Variants in TRAPPC9 observed in about 807,000 individuals in gnomAD.
TRAPPC9 encodes the protein IKK2 binding protein.
Under a neutral mutation model 124.0 loss-of-function variants are expected in TRAPPC9, and 83 were observed. That is an observed-to-expected ratio of 0.67 (90% CI 0.56 to 0.80). The LOEUF is 0.80. Among genes scored for constraint, TRAPPC9 ranks in the 30% least tolerant of loss-of-function variants. The pLI is 0.00. For synonymous variants in TRAPPC9, 638 were observed against 617.5 expected (o/e 1.03, Z -0.49); for missense variants, 1,302 against 1,508.3 (o/e 0.86, Z 2.27).
At chr8:139,977,348 G>T (rs372848869) in intron 19 of TRAPPC9, among the ~76,000 whole-genome samples, 124 of 152,126 alleles carry the variant, frequency 8.2e-4, no homozygotes, top group African/African-American at 2.7e-3. Context: ...GAGGCCAGGC[G>T]TGGTGGCTCA....
intron 17 of TRAPPC9, among the ~76,000 whole-genome samples, chr8:140,074,766 C>T (rs1314826390): frequency 6.6e-6 from 1 of 152,130 alleles, no homozygotes; most frequent in Non-Finnish European, 1.5e-5. Flanking sequence ...GAAAGAAGGG[C>T]CGCTCAGTGG....
At chr8:140,036,513 G>A (rs1355156861) in intron 17 of TRAPPC9, among the ~76,000 whole-genome samples, 1 of 152,174 alleles carries the variant, frequency 6.6e-6, no homozygotes, top group Non-Finnish European at 1.5e-5. Flanking sequence ...TGCACTACCA[G>A]TTTACTCAAG....
chr8:140,033,477 T>C (rs1840629431), intron 17 of TRAPPC9, among the ~76,000 whole-genome samples: 1 of 151,892 alleles, frequency 6.6e-6, no homozygotes, highest in Non-Finnish European at 1.5e-5. Flanking sequence ...CTTTGTAGTC[T>C]TGGGATAGGA....
At chr8:140,047,357 G>A (rs754311578) in intron 17 of TRAPPC9, among the ~76,000 whole-genome samples, 1 of 152,252 alleles carries the variant, frequency 6.6e-6, no homozygotes, top group South Asian at 2.1e-4. Flanking sequence ...AGAATAGTCC[G>A]GGTTGCGCTA....
At chr8:140,009,116 G>C (rs1838951725) in intron 18 of TRAPPC9, among the ~76,000 whole-genome samples, 1 of 152,054 alleles carries the variant, frequency 6.6e-6, no homozygotes, top group Admixed American at 6.6e-5. Flanking sequence ...TAATGGAATT[G>C]GACCATTTTT....
At chr8:140,445,945 G>T (rs1289009139) in intron 2 of TRAPPC9, among the ~76,000 whole-genome samples, 9 of 152,172 alleles carry the variant, frequency 5.9e-5, no homozygotes, top group Admixed American at 5.9e-4. Flanking sequence ...GGAGACTCTA[G>T]ATCAGTAATG....
chr8:140,183,950 A>G (rs1278367863), intron 17 of TRAPPC9, among the ~76,000 whole-genome samples: 8 of 23,574 alleles, frequency 3.4e-4, no homozygotes, highest in African/African-American at 9.4e-4. Context: ...AGGAGAGGAG[A>G]GGGGAGGGGA....
At chr8:139,841,292 T>A (rs1276817824) in intron 21 of TRAPPC9, among the ~76,000 whole-genome samples, 1 of 152,244 alleles carries the variant, frequency 6.6e-6, no homozygotes, top group East Asian at 1.9e-4. Flanking sequence ...TACCTGCACC[T>A]GCAACCCTAA....
chr8:139,756,352 G>GA (rs1819774306), intron 21 of TRAPPC9, among the ~76,000 whole-genome samples: 3 of 142,968 alleles, frequency 2.1e-5, no homozygotes, highest in African/African-American at 2.7e-5. Flanking sequence ...AGGAGCCAGG[G>GA]TGGGGGTAGA....
At chr8:139,887,800 C>A (rs1830110492) in intron 20 of TRAPPC9, among the ~76,000 whole-genome samples, 3 of 152,234 alleles carry the variant, frequency 2.0e-5, no homozygotes, top group Non-Finnish European at 4.4e-5. Flanking sequence ...AAGGCAGAGA[C>A]CTGGTCTTAG....
At chr8:140,066,632 A>G (rs1842908237) in intron 17 of TRAPPC9, among the ~76,000 whole-genome samples, 1 of 152,268 alleles carries the variant, frequency 6.6e-6, no homozygotes, top group African/African-American at 2.4e-5. Flanking sequence ...AAAGACATTA[A>G]TCAGTGAGTA....
At chr8:140,027,655 C>T (rs1840234653) in intron 17 of TRAPPC9, among the ~76,000 whole-genome samples, 1 of 152,164 alleles carries the variant, frequency 6.6e-6, no homozygotes, top group Non-Finnish European at 1.5e-5. Flanking sequence ...AGTTGTATTA[C>T]TCCATTCTCA....
intron 17 of TRAPPC9, among the ~76,000 whole-genome samples, chr8:140,196,698 CGT>C (rs930170069): frequency 1.5e-4 from 23 of 151,446 alleles, no homozygotes; most frequent in African/African-American, 3.9e-4. Flanking sequence ...ACAGATCACA[CGT>C]GTGACACAAA....
At chr8:139,869,124 AT>A (rs1828733054) in intron 21 of TRAPPC9, among the ~76,000 whole-genome samples, 1 of 152,248 alleles carries the variant, frequency 6.6e-6, no homozygotes, top group Non-Finnish European at 1.5e-5. Context: ...ATGCATATAA[AT>A]GGCCTAAACT....
intron 16 of TRAPPC9, among the ~76,000 whole-genome samples, chr8:140,234,217 G>A (rs942701373): frequency 1.3e-5 from 2 of 152,122 alleles, no homozygotes; most frequent in African/African-American, 2.4e-5. Context: ...TAGGTTGCAC[G>A]CTCTTCATGA....
chr8:140,364,238 C>T lies in TRAPPC9; in HGVS notation c.1352-4045G>A, dbSNP rs1037265886. ...CACTCCTAAGATAACTTGCATAGAG[C>T]CCAGGAGGCTTGCTTTTACCCTGAA... On this transcript the variant is annotated intron_variant, in intron 8 of 22. Transcript: ENST00000438773. Among the ~76,000 whole-genome samples, 78 of 149,280 alleles carry T rather than the reference C, an allele frequency of 5.2e-4. 1 individual carries two copies. The highest frequency in any genetic ancestry group is 9.3e-4 in the Admixed American group (14 of 14,974).
intron 21 of TRAPPC9, among the ~76,000 whole-genome samples, chr8:139,741,853 T>C (rs1165915411): frequency 1.3e-5 from 2 of 152,206 alleles, no homozygotes; most frequent in African/African-American, 4.8e-5. Flanking sequence ...GGGTCAGTGC[T>C]GCGTTCTTTC....
intron 17 of TRAPPC9, among the ~76,000 whole-genome samples, chr8:140,086,902 A>C (rs1441153412): frequency 1.3e-5 from 2 of 151,870 alleles, no homozygotes; most frequent in East Asian, 1.9e-4. Flanking sequence ...ACTGTACTCT[A>C]GCCTGGGCAA....
intron 15 of TRAPPC9, among the ~76,000 whole-genome samples, chr8:140,256,866 G>A (rs952500444): frequency 2.6e-5 from 4 of 152,112 alleles, no homozygotes; most frequent in African/African-American, 9.7e-5. Flanking sequence ...AGAGTACTTA[G>A]GACAGGGCAC....
Sources: allele counts gnomAD v4.1 joint callset (sites outside exome capture counted in the v4.1 genomes callset), GRCh38; gene constraint gnomAD v4.1.1; transcripts MANE v1.5; gene names NCBI Gene and HGNC (gene_info 2026-07-23, HGNC 2026-07-21).